Variants in CLSTN2 observed in about 807,000 individuals in gnomAD.
CLSTN2 encodes the protein calsyntenin 2, also known as calsyntenin-2.
In CLSTN2, 48 loss-of-function variants were observed where a neutral mutation model predicts 101.2. That is an observed-to-expected ratio of 0.47 (90% CI 0.38 to 0.60). CLSTN2 has a LOEUF of 0.60. Among genes scored for constraint, CLSTN2 ranks in the 20% least tolerant of loss-of-function variants. CLSTN2 has a pLI of 0.00. For missense variants in CLSTN2, 1,160 were observed against 1,238.2 expected (o/e 0.94, Z 0.95); for synonymous variants, 481 against 463.6 (o/e 1.04, Z -0.48).
intron 8 of CLSTN2, among the ~76,000 whole-genome samples, chr3:140,482,198 T>C (rs1934132506): frequency 6.6e-6 from 1 of 152,238 alleles, no homozygotes; most frequent in African/African-American, 2.4e-5. Context: ...CTGCATCTAT[T>C]GAGATAATCA....
At chr3:139,995,431 G>A (rs1936185725) in intron 1 of CLSTN2, among the ~76,000 whole-genome samples, 4 of 152,118 alleles carry the variant, frequency 2.6e-5, no homozygotes, top group Admixed American at 2.6e-4. Flanking sequence ...TCTCAAGCTG[G>A]GAGCCACATG....
At chr3:140,152,580 T>C (rs1374832371) in intron 1 of CLSTN2, among the ~76,000 whole-genome samples, 1 of 152,190 alleles carries the variant, frequency 6.6e-6, no homozygotes, top group African/African-American at 2.4e-5. Flanking sequence ...AGTAAATAAA[T>C]ATTTGTTGTA....
intron 6 of CLSTN2, among the ~76,000 whole-genome samples, chr3:140,458,033 A>G (rs1403968591): frequency 6.6e-6 from 1 of 152,212 alleles, no homozygotes; most frequent in Non-Finnish European, 1.5e-5. Context: ...TTGCTACCCA[A>G]TGGATATAGA....
intron 4 of CLSTN2, among the ~76,000 whole-genome samples, chr3:140,415,604 C>G (rs1027861575): frequency 1.8e-4 from 27 of 150,616 alleles, no homozygotes; most frequent in African/African-American, 6.6e-4. Flanking sequence ...AAAAGATGTT[C>G]AATGTCACTA....
At chr3:140,197,270 A>C (rs1015015420) in intron 2 of CLSTN2, among the ~76,000 whole-genome samples, 1 of 152,168 alleles carries the variant, frequency 6.6e-6, no homozygotes, top group Non-Finnish European at 1.5e-5. Context: ...AACAGCCTGG[A>C]CCCTGATGTC....
intron 2 of CLSTN2, among the ~76,000 whole-genome samples, chr3:140,249,326 C>T (rs1279313347): frequency 6.6e-6 from 1 of 152,224 alleles, no homozygotes; most frequent in African/African-American, 2.4e-5. Flanking sequence ...TTGCAAATCA[C>T]ATCACCATGC....
In CLSTN2 at chr3:140,220,419, C is replaced by T. The variant is rs181077141; in HGVS notation, c.232+44346C>T. On this transcript the variant is annotated intron_variant, in intron 2 of 16. Coordinates refer to ENST00000458420, the MANE Select transcript of CLSTN2 (RefSeq NM_022131.3). ...GACCATTATTTGGAATTTGGCCTGT[C>T]GTCTTCCTTCTTGAGCCCCATGGTT... 4.6e-5 allele frequency among the ~76,000 whole-genome samples: 7 copies of T among 152,324 alleles called. No individual in the cohort carries two copies. The East Asian group carries it at 9.7e-4, about 21-fold the overall frequency.
At chr3:140,392,047 A>G (rs1488184823) in intron 2 of CLSTN2, among the ~76,000 whole-genome samples, 1 of 152,056 alleles carries the variant, frequency 6.6e-6, no homozygotes, top group Non-Finnish European at 1.5e-5. Flanking sequence ...AAGTGAGCAT[A>G]AAAGAGAATA....
At chr3:140,308,401 A>T (rs1000575321) in intron 2 of CLSTN2, among the ~76,000 whole-genome samples, 2 of 152,214 alleles carry the variant, frequency 1.3e-5, no homozygotes, top group Non-Finnish European at 2.9e-5. Context: ...CCCACTTAGT[A>T]GGCTCTCAAT....
chr3:140,249,609 T>C (rs1349897083), intron 2 of CLSTN2, among the ~76,000 whole-genome samples: 2 of 152,172 alleles, frequency 1.3e-5, no homozygotes, highest in Non-Finnish European at 1.5e-5. Context: ...ACCAACTCTA[T>C]GGCATTATTA....
At chr3:140,244,828 C>T (rs1043781792) in intron 2 of CLSTN2, among the ~76,000 whole-genome samples, 2 of 152,154 alleles carry the variant, frequency 1.3e-5, no homozygotes, top group African/African-American at 2.4e-5. Context: ...GCAGTTTATT[C>T]TCTGTAACAC....
chr3:139,986,772 G>A (rs1410396292), intron 1 of CLSTN2, among the ~76,000 whole-genome samples: 1 of 152,152 alleles, frequency 6.6e-6, no homozygotes, highest in Non-Finnish European at 1.5e-5. Context: ...GGACAGGGAT[G>A]TCTCTCATGG....
intron 8 of CLSTN2, among the ~76,000 whole-genome samples, chr3:140,512,669 T>C (rs1469861005): frequency 2.0e-5 from 3 of 152,242 alleles, no homozygotes; most frequent in Admixed American, 2.0e-4. Context: ...GGTAGTTTCA[T>C]GGGAATAGCA....
chr3:140,260,121 A>G (rs1174881534), intron 2 of CLSTN2, among the ~76,000 whole-genome samples: 3 of 140,792 alleles, frequency 2.1e-5, no homozygotes, highest in Non-Finnish European at 4.6e-5. Context: ...ACCTAAAATA[A>G]AAGGTGAAAA....
chr3:140,573,896 G>A lies in CLSTN2; in HGVS notation c.*7643G>A, dbSNP rs2107799905. On this transcript the variant is annotated 3_prime_UTR_variant, in exon 17 of 17. Coordinates refer to ENST00000458420, the MANE Select transcript of CLSTN2 (RefSeq NM_022131.3). Reference sequence around the variant, plus strand: ...TTGAGGCAACACCTCCCCAGAGGCAGGACCCCGCCCCCATGAGAACATGCA... The same window carrying A: ...TTGAGGCAACACCTCCCCAGAGGCAAGACCCCGCCCCCATGAGAACATGCA... The A allele has an allele frequency of 6.6e-6, 1 of 152,654 alleles. No homozygotes were observed. Among genetic ancestry groups the A allele is most frequent in the African/African-American group, 2.4e-5 (1 of 41,566 alleles). 9.5% of individuals were successfully genotyped at this position (152,654 alleles called of 1,614,324 possible). A position where few individuals can be genotyped will look rare whatever the true frequency, so the allele number is the denominator to read the frequency against.
At chr3:140,448,861 G>T (rs1028298538) in intron 6 of CLSTN2, among the ~76,000 whole-genome samples, 157 bp downstream of exon 6, 15 of 152,188 alleles carry the variant, frequency 9.9e-5, no homozygotes, top group Admixed American at 2.6e-4. Flanking sequence ...ATGGCAGAAG[G>T]GTTGGAAGGC....
chr3:140,281,080 A>G (rs2086841332), intron 2 of CLSTN2, among the ~76,000 whole-genome samples: 2 of 152,196 alleles, frequency 1.3e-5, no homozygotes, highest in African/African-American at 4.8e-5. Flanking sequence ...TTTCCTTTCA[A>G]ATGTACAGGT....
intron 1 of CLSTN2, among the ~76,000 whole-genome samples, chr3:139,994,204 C>T (rs1686490905): frequency 6.6e-6 from 1 of 152,210 alleles, no homozygotes; most frequent in South Asian, 2.1e-4. Context: ...CAGTTCAGGT[C>T]TTGGGTTTGG....
At chr3:140,239,106 G>A (rs569612292) in intron 2 of CLSTN2, among the ~76,000 whole-genome samples, 1 of 152,244 alleles carries the variant, frequency 6.6e-6, no homozygotes, top group African/African-American at 2.4e-5. Context: ...TGGGTTGCAG[G>A]AAGGCTTCAG....
Sources: gnomAD v4.1 joint callset for allele counts (sites outside exome capture counted in the v4.1 genomes callset) on GRCh38, gnomAD v4.1.1 for gene constraint, MANE v1.5 for transcripts, NCBI Gene and HGNC (gene_info 2026-07-23, HGNC 2026-07-21) for gene names.